The following RBM6 variants were observed in gnomAD, a reference collection of about 807,000 sequenced individuals.
The protein encoded by RBM6 is RNA binding motif protein 6.
RBM6 carries 23 observed loss-of-function variants against 140.4 expected under a neutral mutation model. The observed-to-expected ratio is 0.16, with a 90% CI of 0.12 to 0.23. The LOEUF (loss-of-function observed/expected upper bound fraction) is 0.23. Ranked by LOEUF, RBM6 falls within the 10% of genes least tolerant of loss-of-function variation. The pLI is 1.00. For missense variants in RBM6, 1,139 were observed against 1,386.7 expected (o/e 0.82, Z 2.84); for synonymous variants, 439 against 475.6 (o/e 0.92, Z 1.00).
At chr3:49,946,758 C>G (rs1331416717) in intron 1 of RBM6, among the ~76,000 whole-genome samples, 1 of 151,794 alleles carries the variant, frequency 6.6e-6, no homozygotes, top group Non-Finnish European at 1.5e-5. Flanking sequence ...TGGTCTTGAA[C>G]TCCTGACCTC....
At chr3:50,059,461 G>A in intron 10 of RBM6, 188 bp from the exon 11 acceptor site, 1 of 496,902 alleles carries the variant, frequency 2.0e-6, no homozygotes, top group East Asian at 3.4e-5. Context: ...GTTCCAATCA[G>A]TCCTTCATTA....
At chr3:49,948,982 A>G (rs2083614630) in intron 1 of RBM6, among the ~76,000 whole-genome samples, 1 of 150,322 alleles carries the variant, frequency 6.7e-6, no homozygotes, top group Non-Finnish European at 1.5e-5. Context: ...GGTACCTGCC[A>G]CCACGCCTGG....
At chr3:49,984,585 G>GACATCACATCACATC (rs1223070354) in intron 5 of RBM6, among the ~76,000 whole-genome samples, 2 of 134,726 alleles carry the variant, frequency 1.5e-5, no homozygotes, top group African/African-American at 6.1e-5. Context: ...TGTCTAACGT[G>GACATCACATCACATC]ACATCACATC....
intron 1 of RBM6, among the ~76,000 whole-genome samples, chr3:49,953,236 T>C (rs1307441091): frequency 1.3e-5 from 2 of 151,372 alleles, no homozygotes; most frequent in East Asian, 3.9e-4. Flanking sequence ...TTTTTTTTTT[T>C]TGAGATGGAG....
intron 1 of RBM6, among the ~76,000 whole-genome samples, chr3:49,949,668 A>G (rs1347978532): frequency 6.6e-6 from 1 of 151,884 alleles, no homozygotes; most frequent in Non-Finnish European, 1.5e-5. Flanking sequence ...CGTGAGCCAC[A>G]GTGCTCAGCC....
intron 5 of RBM6, among the ~76,000 whole-genome samples, chr3:49,994,669 G>GGGGT (rs148704782): frequency 5.0e-4 from 74 of 148,164 alleles, no homozygotes; most frequent in Non-Finnish European, 9.2e-4. Context: ...AAGGCTGTGG[G>GGGGT]GTGTGTGTGT....
At chr3:50,007,558 A>T (rs2086640912) in intron 6 of RBM6, among the ~76,000 whole-genome samples, 2 of 147,266 alleles carry the variant, frequency 1.4e-5, no homozygotes, top group Admixed American at 6.7e-5. Context: ...TTTGAGACAG[A>T]GTCTGGCTCT....
chr3:49,986,777 CTCTTT>C (rs2085583180), intron 5 of RBM6, among the ~76,000 whole-genome samples: 1 of 139,858 alleles, frequency 7.2e-6, no homozygotes, highest in Admixed American at 7.2e-5. Flanking sequence ...CCCTCCCCTT[CTCTTT>C]TCTTCTCTTC....
chr3:49,956,112 C>G (rs1179379296), intron 1 of RBM6, among the ~76,000 whole-genome samples: 1 of 150,792 alleles, frequency 6.6e-6, no homozygotes, highest in Non-Finnish European at 1.5e-5. Flanking sequence ...CTCACTGCAA[C>G]TTTGGGCTCA....
At chr3:49,994,084 G>A (rs765053331) in intron 5 of RBM6, among the ~76,000 whole-genome samples, 1 of 152,166 alleles carries the variant, frequency 6.6e-6, no homozygotes, top group Non-Finnish European at 1.5e-5. Flanking sequence ...TTTGTTTTGA[G>A]ACAGGGTCTC....
At chr3:50,022,252 C>A (rs1019620834) in intron 6 of RBM6, among the ~76,000 whole-genome samples, 2 of 151,712 alleles carry the variant, frequency 1.3e-5, no homozygotes, top group South Asian at 4.2e-4. Flanking sequence ...ACTCTCTAAT[C>A]GCCTGTTGTG....
intron 6 of RBM6, among the ~76,000 whole-genome samples, chr3:50,016,139 C>G (rs954950166): frequency 1.3e-5 from 2 of 152,188 alleles, no homozygotes; most frequent in African/African-American, 4.8e-5. Flanking sequence ...ATTCTGCTCT[C>G]TACTTCTGTC....
At chr3:49,948,346 A>G (rs2083583786) in intron 1 of RBM6, among the ~76,000 whole-genome samples, 7 of 152,090 alleles carry the variant, frequency 4.6e-5, no homozygotes, top group Admixed American at 3.3e-4. Context: ...TAGGCAACAT[A>G]GTGAAACCCC....
chr3:50,071,640 A>T (rs9856572), intron 19 of RBM6, among the ~76,000 whole-genome samples: 81,710 of 151,918 alleles, frequency 0.54, 22,645 homozygotes, highest in East Asian at 0.86. Flanking sequence ...GCCTCTATTT[A>T]AAAAAAGAAA....
intron 6 of RBM6, among the ~76,000 whole-genome samples, chr3:50,040,501 C>G (rs2088847434): frequency 7.2e-6 from 1 of 139,184 alleles, no homozygotes; most frequent in Admixed American, 7.3e-5. Context: ...TATACACACA[C>G]ACACACACAC....
At chr3:50,032,205 G>T (rs947091527) in intron 6 of RBM6, among the ~76,000 whole-genome samples, 1 of 151,988 alleles carries the variant, frequency 6.6e-6, no homozygotes, top group African/African-American at 2.4e-5. Context: ...TTTCCAGGCC[G>T]GGCACGGTGG....
chr3:49,998,989 A>G (rs985291897), intron 5 of RBM6, among the ~76,000 whole-genome samples: 6 of 149,032 alleles, frequency 4.0e-5, no homozygotes, highest in Admixed American at 6.7e-5. Flanking sequence ...AGTGGTGACT[A>G]TTAGCATAGC....
chr3:49,960,887 A>G (rs2084249748), intron 1 of RBM6, among the ~76,000 whole-genome samples: 1 of 151,932 alleles, frequency 6.6e-6, no homozygotes, highest in Non-Finnish European at 1.5e-5. Context: ...AGCACATTGA[A>G]AAGTTTATGG....
chr3:49,960,824 C>T (rs1308411488), intron 1 of RBM6, among the ~76,000 whole-genome samples: 3 of 151,654 alleles, frequency 2.0e-5, no homozygotes, highest in Non-Finnish European at 2.9e-5. Context: ...GGCTAGTGAG[C>T]GCTAGAAAAA....
Sources: allele counts gnomAD v4.1 joint callset (sites outside exome capture counted in the v4.1 genomes callset), GRCh38; gene constraint gnomAD v4.1.1; transcripts MANE v1.5; gene names NCBI Gene and HGNC (gene_info 2026-07-23, HGNC 2026-07-21).